COL4A4: variants seen among roughly 807,000 people sequenced by gnomAD.
COL4A4 encodes the protein collagen alpha-4(IV) chain.
Under a neutral mutation model 192.9 loss-of-function variants are expected in COL4A4, and 105 were observed. The ratio of observed to expected loss-of-function variants is 0.54; its 90% CI spans 0.46 to 0.64. The LOEUF (loss-of-function observed/expected upper bound fraction) is 0.64. Ranked by LOEUF, COL4A4 falls within the 30% of genes least tolerant of loss-of-function variation. The pLI, the probability that COL4A4 is intolerant of heterozygous loss-of-function variation, is 0.00. For synonymous variants in COL4A4, 762 were observed against 769.9 expected (o/e 0.99, Z 0.17); for missense variants, 1,967 against 2,169.3 (o/e 0.91, Z 1.85).
At chr2:227,011,509 G>A (rs149516990) in intron 45 of COL4A4, among the ~76,000 whole-genome samples, 7 of 152,282 alleles carry the variant, frequency 4.6e-5, no homozygotes, top group East Asian at 1.9e-4. Flanking sequence ...CTCCTCATTC[G>A]TTTCTACTCA....
chr2:227,136,823 A>G (rs922631757), intron 4 of COL4A4, among the ~76,000 whole-genome samples: 1 of 152,204 alleles, frequency 6.6e-6, no homozygotes, highest in Admixed American at 6.5e-5. Context: ...ATAGCCCGCT[A>G]TGCCACTTGA....
chr2:227,042,941 T>C, intron 36 of COL4A4, 136 bp downstream of exon 36: 1 of 703,388 alleles, frequency 1.4e-6, no homozygotes, highest in Non-Finnish European at 2.5e-6. Context: ...TGAGCTTAAG[T>C]GACCTATCCA....
At chr2:227,093,644 A>G (rs767477716) in intron 20 of COL4A4, among the ~76,000 whole-genome samples, 1 of 152,042 alleles carries the variant, frequency 6.6e-6, no homozygotes, top group African/African-American at 2.4e-5. Flanking sequence ...AAAAAACCCT[A>G]GCCTCCAAAT....
intron 36 of COL4A4, among the ~76,000 whole-genome samples, 170 bp downstream of exon 36, chr2:227,042,907 A>T (rs944668666): frequency 3.3e-5 from 5 of 152,226 alleles, no homozygotes; most frequent in African/African-American, 1.2e-4. Flanking sequence ...AGTGAAACCC[A>T]CTAGCTTATA....
Position 227,147,467 on chromosome 2 carries a change from A to G in COL4A4, c.17T>C (p.Ile6Thr), listed in dbSNP as rs16823264. MWSLHIVLMRCSFRLT... is the reference protein window; with the variant it reads MWSLHTVLMRCSFRLT... The stretch of plus-strand genomic sequence containing the variant: ...TCTGAAGGAGCACCTCATTAGTACT[A>G]TGTGCAGAGACCACATCGCAGGCAA... The change falls in exon 2 of 48, where the codon ATA (isoleucine) becomes ACA (threonine). Residue 6 changes from isoleucine to threonine, a missense_variant. By Grantham distance (89) the Ile-to-Thr change is moderately conservative. Coordinates refer to ENST00000396625, the MANE Select transcript of COL4A4 (RefSeq NM_000092.5). The G allele has an allele frequency of 0.018, 28,289 of 1,613,334 alleles. 4,091 individuals are homozygous for G. The African/African-American group carries it at 0.33, about 19-fold the overall frequency.
At chr2:227,152,921 C>T (rs529485635) in intron 1 of COL4A4, among the ~76,000 whole-genome samples, 54 of 152,270 alleles carry the variant, frequency 3.5e-4, no homozygotes, top group African/African-American at 1.2e-3. Flanking sequence ...TGTTCTCACA[C>T]TGCTAATAAA....
At chr2:227,097,645 G>A (rs747513547) in intron 19 of COL4A4, among the ~76,000 whole-genome samples, 1 of 152,128 alleles carries the variant, frequency 6.6e-6, no homozygotes, top group African/African-American at 2.4e-5. Flanking sequence ...CCAGAGTCCA[G>A]TGCTTTCTGA....
At chr2:227,100,468 TAATAA>T (rs1262684995) in intron 17 of COL4A4, among the ~76,000 whole-genome samples, 4 of 152,068 alleles carry the variant, frequency 2.6e-5, no homozygotes, top group Non-Finnish European at 5.9e-5. Context: ...ATGATAAAAA[TAATAA>T]AACAATAGAA....
intron 8 of COL4A4, among the ~76,000 whole-genome samples, chr2:227,113,460 T>C (rs2061330687): frequency 6.6e-6 from 1 of 152,218 alleles, no homozygotes; most frequent in African/African-American, 2.4e-5. Context: ...ACATTACCAT[T>C]TACAATGTGC....
chr2:226,982,220 C>T, the COL4A4 span, among the ~76,000 whole-genome samples: 1 of 152,228 alleles, frequency 6.6e-6, no homozygotes. Flanking sequence ...AGCCATAACT[C>T]ACTCTAATTG....
chr2:226,988,738 A>G, the COL4A4 span: 5 of 915,256 alleles, frequency 5.5e-6, no homozygotes, highest in Non-Finnish European at 6.5e-6. Context: ...ATATTAAGAG[A>G]TAGAACGAGC....
the COL4A4 span, among the ~76,000 whole-genome samples, chr2:226,987,492 G>A: frequency 6.6e-6 from 1 of 152,226 alleles, no homozygotes. Context: ...CTCCAGAGAA[G>A]CTGCTCAGGC....
In COL4A4 at chr2:227,008,155, C is replaced by T; in HGVS notation, c.4672G>A (p.Ala1558Thr). 3.1e-6 allele frequency: 5 copies of T among 1,614,044 alleles called. No homozygotes were observed. Among genetic ancestry groups the T allele is most frequent in the Non-Finnish European group, 3.4e-6 (4 of 1,179,892 alleles). The change falls in exon 47 of 48, where the codon GCG becomes ACG. Residue 1558 changes from alanine (A) to threonine (T), a missense_variant. Transcript: ENST00000396625. ...CAGCGGCTGACATAGGGGCGGATCGCCTCTTCAGAGAGTGGCATCATGGGG... is the reference window on the plus strand; with the variant it reads ...CAGCGGCTGACATAGGGGCGGATCGTCTCTTCAGAGAGTGGCATCATGGGG... ...PLPMMPLSEE[A>T]IRPYVSRCAV...
the COL4A4 span, among the ~76,000 whole-genome samples, chr2:226,968,336 T>C: frequency 1.3e-5 from 2 of 152,318 alleles, no homozygotes; most frequent in East Asian, 3.9e-4. Flanking sequence ...CCAAAATCTG[T>C]AGGGCAGGCC....
chr2:226,995,682 T>C, the COL4A4 span: 1 of 621,544 alleles, frequency 1.6e-6, no homozygotes, highest in Non-Finnish European at 2.9e-6. Flanking sequence ...ATGGCCCCTA[T>C]GAGTCAACTC....
At chr2:227,132,120 C>T (rs2062514098) in intron 4 of COL4A4, among the ~76,000 whole-genome samples, 1 of 152,236 alleles carries the variant, frequency 6.6e-6, no homozygotes, top group Non-Finnish European at 1.5e-5. Context: ...GGTTCAAGCT[C>T]AAGTGCTAAC....
chr2:227,105,346 C>T (rs1460248833), intron 12 of COL4A4, among the ~76,000 whole-genome samples: 3 of 151,880 alleles, frequency 2.0e-5, no homozygotes, highest in Admixed American at 6.6e-5. Flanking sequence ...AATGCACCAT[C>T]GTGCCCAGCT....
At chr2:226,988,682 A>T in the COL4A4 span, 4 of 982,096 alleles carry the variant, frequency 4.1e-6, no homozygotes, top group African/African-American at 7.0e-5. Flanking sequence ...AAGGGTTTTC[A>T]TACTTTTTCT....
At chr2:227,146,181 G>C (rs1396583169) in intron 2 of COL4A4, among the ~76,000 whole-genome samples, 1 of 152,176 alleles carries the variant, frequency 6.6e-6, no homozygotes, top group Non-Finnish European at 1.5e-5. Context: ...ATGGCCCCGA[G>C]GGGGCCAGCT....
Sources: allele counts gnomAD v4.1 joint callset (sites outside exome capture counted in the v4.1 genomes callset), GRCh38; gene constraint gnomAD v4.1.1; transcripts MANE v1.5; gene names NCBI Gene and HGNC (gene_info 2026-07-23, HGNC 2026-07-21).